Variants in COL14A1 observed in about 807,000 individuals in gnomAD.
COL14A1 encodes collagen type XIV alpha 1 chain, also known as collagen alpha-1(XIV) chain.
COL14A1 carries 136 observed loss-of-function variants against 230.3 expected under a neutral mutation model. The observed-to-expected ratio is 0.59, with a 90% confidence interval of 0.51 to 0.68. COL14A1 has a LOEUF of 0.68. Ranked by LOEUF, COL14A1 falls within the 30% of genes least tolerant of loss-of-function variation. The pLI is 0.00. For missense variants in COL14A1, 1,976 were observed against 2,215.8 expected, an observed-to-expected ratio of 0.89 and a Z score of 2.17; for synonymous variants, 792 against 784.1, an observed-to-expected ratio of 1.01 and a Z score of -0.17.
intron 10 of COL14A1, 100 bp downstream of exon 10, chr8:120,207,194 C>A: frequency 9.5e-7 from 1 of 1,057,176 alleles, no homozygotes; most frequent in Non-Finnish European, 1.3e-6. Flanking sequence ...ATTATTCCGT[C>A]ACAGACATTT....
intron 35 of COL14A1, among the ~76,000 whole-genome samples, chr8:120,299,660 A>T (rs1820652283): frequency 6.6e-6 from 1 of 151,930 alleles, no homozygotes; most frequent in African/African-American, 2.4e-5. Context: ...AGAATACTTA[A>T]CTTTATGTTT....
intron 45 of COL14A1, among the ~76,000 whole-genome samples, chr8:120,361,183 T>C (rs1463555550): frequency 6.6e-6 from 1 of 152,172 alleles, no homozygotes; most frequent in African/African-American, 2.4e-5. Context: ...TTACCAAGTG[T>C]CTGTATTAAA....
Position 120,291,901 on chromosome 8 carries a change from TCTTTGTTTAAAAC to T in COL14A1, c.4236+2137_4236+2149del, listed in dbSNP as rs1820388528. Among the ~76,000 whole-genome samples the T allele has an allele frequency of 2.0e-5, 3 of 152,142 alleles. No individual in the cohort carries two copies. In the South Asian group the frequency reaches 6.2e-4, roughly 32 times the overall value. On this transcript the variant is annotated intron_variant, in intron 34 of 47. Coordinates refer to ENST00000297848, the MANE Select transcript of COL14A1 (RefSeq NM_021110.4). ...CCTCAAAATAGAAACCGCGTCATTG[TCTTTGTTTAAAAC>T]CACCCTACATCACAGTGTCTACTCA...
chr8:120,263,154 C>G, intron 24 of COL14A1, 140 bp downstream of exon 24: 2 of 898,720 alleles, frequency 2.2e-6, no homozygotes, highest in Non-Finnish European at 1.6e-6. Context: ...GTTCCTCTTA[C>G]TCAACCCCAG....
intron 18 of COL14A1, among the ~76,000 whole-genome samples, chr8:120,229,359 G>A (rs1471590454): frequency 2.7e-5 from 4 of 149,058 alleles, no homozygotes; most frequent in Non-Finnish European, 5.9e-5. Flanking sequence ...AGAATATGTG[G>A]TGTTTGGTTT....
At chr8:120,295,695 G>A (rs1018119304) in intron 34 of COL14A1, among the ~76,000 whole-genome samples, 2 of 151,712 alleles carry the variant, frequency 1.3e-5, no homozygotes, top group Non-Finnish European at 3.0e-5. Flanking sequence ...TTATGAGAAA[G>A]CTAATATTTA....
rs10505380 is a variant in COL14A1, at chr8:120,314,234, A to G, written c.4551+207A>G. ...TTAACAAATAAGTACATGCATACTT[A>G]TTGGAGGTAGGTCCATCCGCAAGCA... On this transcript the variant is annotated intron_variant, in intron 38 of 47. Coordinates refer to ENST00000297848, the MANE Select transcript of COL14A1 (RefSeq NM_021110.4). Among the ~76,000 whole-genome samples the G allele has an allele frequency of 0.14, 21,249 of 152,196 alleles. 1,994 individuals are homozygous for G. Among genetic ancestry groups the G allele is most frequent in the Non-Finnish European group, 0.21 (14,078 of 67,974 alleles).
Position 120,203,851 on chromosome 8 carries a change from A to G in COL14A1, c.1020A>G (p.Glu340=), listed in dbSNP as rs1468737280. 1.2e-6 allele frequency: 2 copies of G among 1,613,710 alleles called. No individual in the cohort carries two copies. Among genetic ancestry groups the G allele is most frequent in the Non-Finnish European group, 1.7e-6 (2 of 1,179,822 alleles). ...GGACTCTCTGCTCTAGAGTGGAAGA[A>G]CAGGACAGAGAAATTAAAGGTAAAA... ...LTRTLCSRVE[E]QDREIKASAH... is the part of the protein sequence containing the mutation. Residue 340 remains glutamate, a synonymous_variant, in exon 9 of 48, where the codon GAA becomes GAG. Transcript: ENST00000297848.
In COL14A1 at chr8:120,199,545, G is replaced by T; in HGVS notation, c.856G>T (p.Gly286Cys). 6.2e-7 allele frequency: 1 copy of T among 1,612,188 alleles called. No homozygotes were observed. Residue 286 changes from glycine to cysteine, a missense_variant, in exon 8 of 48, where the codon GGT becomes TGT. This residue lies in a region of COL14A1 where 1,791 missense variants were observed against 2,019.5 expected (regional missense o/e 0.89). Coordinates refer to ENST00000297848, the MANE Select transcript of COL14A1 (RefSeq NM_021110.4). The part of the protein sequence containing the change: ...IPPSRNLRES[G>C]VELFAIGVKN... ...ACCATCTAGAAATCTTCGTGAGTCTGGTGTAGAACTGTTTGCCATAGGTAT... is the reference window on the plus strand; with the variant it reads ...ACCATCTAGAAATCTTCGTGAGTCTTGTGTAGAACTGTTTGCCATAGGTAT...
chr8:120,152,314 T>G (rs1815312922), intron 2 of COL14A1, among the ~76,000 whole-genome samples: 1 of 151,362 alleles, frequency 6.6e-6, no homozygotes, highest in African/African-American at 2.4e-5. Context: ...ACAAAAAAAA[T>G]TAGCCGGGCG....
intron 38 of COL14A1, among the ~76,000 whole-genome samples, 192 bp from the exon 39 acceptor site, chr8:120,315,341 G>A (rs1821181429): frequency 7.4e-6 from 1 of 134,948 alleles, no homozygotes; most frequent in African/African-American, 2.9e-5. Flanking sequence ...CTGCACTCCA[G>A]CCTGGGCAAC....
At chr8:120,196,768 C>T (rs1330795564) in intron 5 of COL14A1, 23 bp from the exon 6 acceptor site, 9 of 1,610,058 alleles carry the variant, frequency 5.6e-6, no homozygotes, top group South Asian at 2.2e-5. Flanking sequence ...AACACATGCG[C>T]TTTTCTGGTT....
At chr8:120,265,846 T>C (rs1819486712) in intron 24 of COL14A1, among the ~76,000 whole-genome samples, 2 of 152,026 alleles carry the variant, frequency 1.3e-5, no homozygotes, top group Admixed American at 1.3e-4. Context: ...GGAAGAGACC[T>C]TACAGCTCAC....
intron 1 of COL14A1, among the ~76,000 whole-genome samples, chr8:120,147,567 C>A (rs1353415099): frequency 6.6e-6 from 1 of 152,194 alleles, no homozygotes; most frequent in Non-Finnish European, 1.5e-5. Flanking sequence ...AGGGAAGAGT[C>A]ACAAAGTACA....
At chr8:120,285,456 T>A in intron 32 of COL14A1, among the ~76,000 whole-genome samples, 1 of 82,572 alleles carries the variant, frequency 1.2e-5, no homozygotes, top group Non-Finnish European at 2.1e-5. Context: ...AGAGCGAGAC[T>A]CCATCTCAAA....
rs1460197526 is a variant in COL14A1 at position 120,372,384 on chromosome 8, C to T, written c.*1153C>T. Among the ~76,000 whole-genome samples the T allele has an allele frequency of 6.6e-6, 1 of 152,198 alleles. No individual in the cohort carries two copies. Among genetic ancestry groups the T allele is most frequent in the African/African-American group, 2.4e-5 (1 of 41,450 alleles). On this transcript the variant is annotated 3_prime_UTR_variant, in exon 48 of 48. Transcript: ENST00000297848. ...GGAAAGCCTAAAAACCCCTAGAAGG[C>T]AGAGCAGAAATGAGGTTGAATCTAA...
chr8:120,296,911 C>T (rs1020345859), intron 34 of COL14A1, among the ~76,000 whole-genome samples: 3 of 151,906 alleles, frequency 2.0e-5, no homozygotes, highest in Non-Finnish European at 4.4e-5. Context: ...CCTCTCACTC[C>T]CTGTAAGTTC....
rs771340158 is a variant in COL14A1, at chr8:120,203,889, C to T, written c.1039+19C>T. 2 of 1,610,580 alleles carry T rather than the reference C, an allele frequency of 1.2e-6. No individual in the cohort carries two copies. Among genetic ancestry groups the T allele is most frequent in the East Asian group, 4.5e-5 (2 of 44,788 alleles). ...ATTAAAGGTAAAATGAGTGACAGAG[C>T]AGTCCTGTGGATGTCAGTATTATGG... On this transcript the variant is annotated intron_variant, in intron 9 of 47. Transcript: ENST00000297848.
At position 120,147,887 on chromosome 8, in the gene COL14A1, T is replaced by A. The variant is rs915438932; in HGVS notation, c.45T>A (p.Pro15=). The change falls in exon 2 of 48, where the codon CCT becomes CCA. Residue 15 remains proline (P), a synonymous_variant. Coordinates refer to ENST00000297848, the MANE Select transcript of COL14A1 (RefSeq NM_021110.4). ...AGATGCGGTACTGGTTGCTTCCACC[T>A]TTTTTGGCAATTGTTTATTTCTGCA... ...QRKMRYWLLP[P]FLAIVYFCTI... 5 of 1,611,470 alleles carry A rather than the reference T, an allele frequency of 3.1e-6. No individual in the cohort carries two copies. The highest frequency in any genetic ancestry group is 1.7e-4 in the Middle Eastern group (1 of 6,050).
Sources: gnomAD v4.1 joint callset for allele counts (sites outside exome capture counted in the v4.1 genomes callset) on GRCh38, gnomAD v4.1.1 for gene constraint, gnomAD v4.1.1 regional missense constraint, MANE v1.5 for transcripts, NCBI Gene and HGNC (gene_info 2026-07-23, HGNC 2026-07-21) for gene names.